ASTN1: variants seen among roughly 807,000 people sequenced by gnomAD.
The protein encoded by ASTN1 is astrotactin-1.
ASTN1 carries 41 observed loss-of-function variants against 140.7 expected under a neutral mutation model. The observed-to-expected ratio is 0.29, with a 90% CI of 0.23 to 0.38. ASTN1 has a LOEUF of 0.38. ASTN1 is among the 10% of genes least tolerant of loss of function. The pLI is 1.00. For synonymous variants in ASTN1, 640 were observed against 652.2 expected (o/e 0.98, Z 0.29); for missense variants, 1,479 against 1,678.8 (o/e 0.88, Z 2.08).
chr1:176,876,393 G>T, intron 21 of ASTN1, 144 bp downstream of exon 21: 1 of 780,422 alleles, frequency 1.3e-6, no homozygotes, highest in Non-Finnish European at 2.1e-6. Context: ...GAAAGGCAAC[G>T]CTCCTGTACT....
chr1:176,925,462 A>G (rs1338417263), intron 16 of ASTN1, among the ~76,000 whole-genome samples: 1 of 152,198 alleles, frequency 6.6e-6, no homozygotes, highest in Admixed American at 6.5e-5. Context: ...CCATTTTAAC[A>G]AGATCTTAGG....
chr1:176,910,143 A>C (rs1393681434), intron 16 of ASTN1, among the ~76,000 whole-genome samples: 1 of 152,238 alleles, frequency 6.6e-6, no homozygotes, highest in African/African-American at 2.4e-5. Context: ...ATTCACTGCT[A>C]TATTTCCAAA....
intron 1 of ASTN1, among the ~76,000 whole-genome samples, chr1:177,077,129 C>T (rs964738545): frequency 3.9e-5 from 6 of 152,058 alleles, no homozygotes; most frequent in Admixed American, 6.6e-5. Flanking sequence ...GTCACAGAAG[C>T]CTTCTGCATG....
At position 177,124,238 on chromosome 1, in the gene ASTN1, C is replaced by CGTCT. The variant is rs141347775; in HGVS notation, c.283+40152_283+40155dup. On this transcript the variant is annotated intron_variant, in intron 1 of 22. Transcript: ENST00000361833. ...TAGGATCCTCAGCCTGGCAGTGGAG[C>CGTCT]GTCTACTCTACTAATTTACCCAAGC... is the stretch of plus-strand genomic sequence containing the variant. Among the ~76,000 whole-genome samples, 732 of 152,298 alleles carry CGTCT rather than the reference C, an allele frequency of 4.8e-3. 6 individuals carry two copies. The highest frequency in any genetic ancestry group is 0.015 in the South Asian group (74 of 4,826).
rs749362298 is a variant in ASTN1 at position 177,023,390 on chromosome 1, G to C, written c.1438+14C>G. 1 of 1,572,438 alleles carries C rather than the reference G, an allele frequency of 6.4e-7. No individual in the cohort carries two copies. The highest frequency in any genetic ancestry group is 8.6e-7 in the Non-Finnish European group (1 of 1,158,672). ...CTCTCTGACAGTTACCCGCTGCCCG[G>C]TGCTCCCGCCTACCAGTTTCGGGGT... On this transcript the variant is annotated intron_variant, in intron 7 of 22. Transcript: ENST00000361833.
chr1:177,094,143 C>T (rs1679911782), intron 1 of ASTN1, among the ~76,000 whole-genome samples: 1 of 152,164 alleles, frequency 6.6e-6, no homozygotes, highest in African/African-American at 2.4e-5. Context: ...CACAGATTAT[C>T]TCATTTAATA....
intron 16 of ASTN1, among the ~76,000 whole-genome samples, chr1:176,929,765 T>C (rs1392226032): frequency 6.6e-6 from 1 of 152,160 alleles, no homozygotes. Context: ...TCCCAGCACT[T>C]TGGGAGGCCG....
At chr1:176,931,011 G>A (rs1024076761) in intron 16 of ASTN1, among the ~76,000 whole-genome samples, 5 of 152,074 alleles carry the variant, frequency 3.3e-5, no homozygotes, top group East Asian at 3.9e-4. Flanking sequence ...GATGGGCGCC[G>A]GCACGCAGGT....
At chr1:177,075,723 T>C (rs780086798) in intron 1 of ASTN1, among the ~76,000 whole-genome samples, 1 of 150,532 alleles carries the variant, frequency 6.6e-6, no homozygotes, top group Admixed American at 6.7e-5. Context: ...CATAGCTCAT[T>C]GCAGCCTTCA....
intron 2 of ASTN1, among the ~76,000 whole-genome samples, chr1:177,047,460 C>T (rs995924649): frequency 5.3e-5 from 8 of 152,100 alleles, no homozygotes; most frequent in African/African-American, 1.9e-4. Flanking sequence ...AGGTTTAACA[C>T]CCTGGAAGTT....
chr1:177,002,959 G>A (rs1674806490), intron 8 of ASTN1, among the ~76,000 whole-genome samples: 1 of 150,902 alleles, frequency 6.6e-6, no homozygotes, highest in African/African-American at 2.4e-5. Flanking sequence ...TAAGCAGTGA[G>A]ATTAATCGGT....
chr1:177,063,928 G>C (rs1226755378), intron 1 of ASTN1, among the ~76,000 whole-genome samples: 1 of 152,132 alleles, frequency 6.6e-6, no homozygotes, highest in Non-Finnish European at 1.5e-5. Context: ...ATACACATCT[G>C]AGTGCCACTC....
chr1:177,123,713 A>G (rs887403591), intron 1 of ASTN1, among the ~76,000 whole-genome samples: 4 of 152,102 alleles, frequency 2.6e-5, no homozygotes, highest in African/African-American at 9.7e-5. Context: ...CTTTCTCTAC[A>G]GACAGCAGTT....
intron 2 of ASTN1, among the ~76,000 whole-genome samples, chr1:177,045,402 C>T (rs1449958247): frequency 6.6e-6 from 1 of 152,178 alleles, no homozygotes; most frequent in Non-Finnish European, 1.5e-5. Flanking sequence ...GTTGACAAAA[C>T]ACAAACAGCA....
chr1:176,971,430 A>G (rs1438611560), intron 8 of ASTN1, among the ~76,000 whole-genome samples: 1 of 152,186 alleles, frequency 6.6e-6, no homozygotes, highest in Admixed American at 6.5e-5. Context: ...ATGATGAATA[A>G]TGATGCCTAA....
intron 4 of ASTN1, 47 bp downstream of exon 4, chr1:177,030,759 C>A (rs776066126): frequency 1.7e-5 from 28 of 1,609,680 alleles, no homozygotes; most frequent in Non-Finnish European, 2.1e-5. Flanking sequence ...CTGCCTCTAC[C>A]AATATGAAGG....
At chr1:177,162,447 A>G (rs12039332) in intron 1 of ASTN1, among the ~76,000 whole-genome samples, 23,560 of 152,162 alleles carry the variant, frequency 0.15, 3,682 homozygotes, top group African/African-American at 0.4. Flanking sequence ...GTTGCACCAG[A>G]TTACCATAGC....
chr1:176,929,736 C>T (rs1017921487), intron 16 of ASTN1, among the ~76,000 whole-genome samples: 21 of 152,254 alleles, frequency 1.4e-4, no homozygotes, highest in Middle Eastern at 3.4e-3. Context: ...AGACCGGGCA[C>T]GGTGGCTCAC....
chr1:177,047,463 T>C (rs1677296888), intron 2 of ASTN1, among the ~76,000 whole-genome samples: 2 of 152,196 alleles, frequency 1.3e-5, no homozygotes, highest in South Asian at 4.1e-4. Flanking sequence ...TTTAACACCC[T>C]GGAAGTTAGC....
Sources: allele counts gnomAD v4.1 joint callset (sites outside exome capture counted in the v4.1 genomes callset), GRCh38; gene constraint gnomAD v4.1.1; transcripts MANE v1.5; gene names NCBI Gene and HGNC (gene_info 2026-07-23, HGNC 2026-07-21).